The following CAMTA1 variants were observed in gnomAD, a reference collection of about 807,000 sequenced individuals.
CAMTA1 encodes calmodulin binding transcription activator 1, also known as calmodulin-binding transcription activator 1.
CAMTA1 carries 27 observed loss-of-function variants against 170.9 expected under a neutral mutation model. The observed-to-expected ratio is 0.16, with a 90% CI of 0.12 to 0.22. The LOEUF (loss-of-function observed/expected upper bound fraction) is 0.22. Among genes scored for constraint, CAMTA1 ranks in the 10% least tolerant of loss-of-function variants. The pLI is 1.00. For synonymous variants in CAMTA1, 833 were observed against 891.5 expected, an observed-to-expected ratio of 0.93 and a Z score of 1.17; for missense variants, 1,619 against 2,217.2, an observed-to-expected ratio of 0.73 and a Z score of 5.42.
chr1:7,304,505 T>C (rs1197123328), intron 5 of CAMTA1, among the ~76,000 whole-genome samples: 1 of 152,178 alleles, frequency 6.6e-6, no homozygotes, highest in African/African-American at 2.4e-5. Context: ...CAAATTGTCC[T>C]CCATAGATGG....
At chr1:7,724,716 G>A (rs1319064110) in intron 11 of CAMTA1, among the ~76,000 whole-genome samples, 5 of 151,838 alleles carry the variant, frequency 3.3e-5, no homozygotes, top group East Asian at 3.9e-4. Context: ...CCAGCTACTC[G>A]GGAGGCTGAG....
intron 11 of CAMTA1, among the ~76,000 whole-genome samples, chr1:7,723,108 A>G (rs1226675898): frequency 6.6e-6 from 1 of 152,198 alleles, no homozygotes; most frequent in Non-Finnish European, 1.5e-5. Context: ...ATGAACGCTC[A>G]GCACCCAGAT....
rs758876429 is a variant in CAMTA1, at chr1:7,532,080, C to T, written c.510+64179C>T. On this transcript the variant is annotated intron_variant, in intron 6 of 22. Transcript: ENST00000303635. This position sits in a 1 kb window ranked among gnomAD's most constrained non-coding sequence, Gnocchi z 4.2. ...GGCAGAGAGGAAGGGGCAGGGGCGG[C>T]GAATGAGTGACAGAAAAGGAGGCAG... Among the ~76,000 whole-genome samples, 3 of 152,154 alleles carry T rather than the reference C, an allele frequency of 2.0e-5. No individual in the cohort carries two copies. The highest frequency in any genetic ancestry group is 4.4e-5 in the Non-Finnish European group (3 of 68,030).
In CAMTA1 at chr1:7,467,616, G is replaced by A. The variant is rs116480177; in HGVS notation, c.439-214G>A. ...GAGGGTAAGGCCCCAGCTGCCCATC[G>A]AGTCTGCCGGCTGGTGTGTCCCCAC... On this transcript the variant is annotated intron_variant, in intron 5 of 22. Coordinates refer to ENST00000303635, the MANE Select transcript of CAMTA1 (RefSeq NM_015215.4). Among the ~76,000 whole-genome samples the A allele has an allele frequency of 7.9e-3, 1,199 of 152,220 alleles. 17 individuals carry two copies. Among genetic ancestry groups the A allele is most frequent in the African/African-American group, 0.028 (1,147 of 41,532 alleles).
intron 3 of CAMTA1, among the ~76,000 whole-genome samples, chr1:6,833,849 A>C (rs1651624432): frequency 6.6e-6 from 1 of 152,192 alleles, no homozygotes; most frequent in Non-Finnish European, 1.5e-5. Flanking sequence ...GCAAAGTTAA[A>C]AATTTTATAT....
chr1:7,390,765 T>G (rs2149128195), intron 5 of CAMTA1, among the ~76,000 whole-genome samples: 1 of 152,392 alleles, frequency 6.6e-6, no homozygotes, highest in South Asian at 2.1e-4. Context: ...CTTGCAGCCC[T>G]GGTGCCCTCA....
In CAMTA1 at chr1:6,953,405, G is replaced by A. The variant is rs564298060; in HGVS notation, c.234+128195G>A. ...GTTGGTCTTTGTTCTTTCTCGCCGCGTGAGTCCCCTGGTAGCCTTGGTGGG... is the reference window on the plus strand; with the variant it reads ...GTTGGTCTTTGTTCTTTCTCGCCGCATGAGTCCCCTGGTAGCCTTGGTGGG... On this transcript the variant is annotated intron_variant, in intron 3 of 22. Coordinates refer to ENST00000303635, the MANE Select transcript of CAMTA1 (RefSeq NM_015215.4). Among the ~76,000 whole-genome samples, 56 of 152,360 alleles carry A rather than the reference G, an allele frequency of 3.7e-4. No homozygotes were observed. The South Asian group carries it at 0.011, about 31-fold the overall frequency.
chr1:7,230,965 G>A (rs1662679742), intron 4 of CAMTA1, among the ~76,000 whole-genome samples: 1 of 152,108 alleles, frequency 6.6e-6, no homozygotes, highest in Admixed American at 6.5e-5. Flanking sequence ...AGTGTACAGA[G>A]GGACCCCCCA....
rs79598150 is a variant in CAMTA1, at chr1:7,189,411, C to T, written c.303-60080C>T. On this transcript the variant is annotated intron_variant, in intron 4 of 22. Coordinates refer to ENST00000303635, the MANE Select transcript of CAMTA1 (RefSeq NM_015215.4). Reference sequence around the variant, plus strand: ...TACACGTCTGAATATCCAGAAACTACAGTGAACTCAAACAAATTAGCAAGA... The same window carrying T: ...TACACGTCTGAATATCCAGAAACTATAGTGAACTCAAACAAATTAGCAAGA... Among the ~76,000 whole-genome samples, 604 of 152,270 alleles carry T rather than the reference C, an allele frequency of 4.0e-3. 12 individuals carry two copies. In the East Asian group the frequency reaches 0.056, roughly 14 times the overall value.
At chr1:7,514,132 C>T (rs1229839671) in intron 6 of CAMTA1, among the ~76,000 whole-genome samples, 1 of 152,200 alleles carries the variant, frequency 6.6e-6, no homozygotes, top group Non-Finnish European at 1.5e-5. Context: ...TGACAACATC[C>T]AAGGAAGAAG....
chr1:6,810,182 A>G (rs1644996273), intron 1 of CAMTA1, among the ~76,000 whole-genome samples: 1 of 152,172 alleles, frequency 6.6e-6, no homozygotes. Context: ...GGACTGCTGA[A>G]CTGTGGTCGA....
Position 7,733,126 on chromosome 1 carries a change from C to T in CAMTA1, c.3066+527C>T, listed in dbSNP as rs775843046. Among the ~76,000 whole-genome samples, 133 of 151,644 alleles carry T rather than the reference C, an allele frequency of 8.8e-4. 1 individual carries two copies. Among genetic ancestry groups the T allele is most frequent in the Non-Finnish European group, 2.4e-4 (16 of 67,892 alleles). On this transcript the variant is annotated intron_variant, in intron 12 of 22. Coordinates refer to ENST00000303635, the MANE Select transcript of CAMTA1 (RefSeq NM_015215.4). The stretch of plus-strand genomic sequence containing the variant: ...CTGAAGTGGGAGGATCACTTGAGCC[C>T]GGGAGGTTGAGGCTGCAGTGAGCCA...
intron 2 of CAMTA1, among the ~76,000 whole-genome samples, chr1:6,822,268 C>T (rs1423018504): frequency 6.6e-6 from 1 of 152,102 alleles, no homozygotes; most frequent in Non-Finnish European, 1.5e-5. Context: ...TATCCCAAAA[C>T]ATTAAAAAGC....
chr1:7,226,606 C>A (rs973452315), intron 4 of CAMTA1, among the ~76,000 whole-genome samples: 16 of 152,284 alleles, frequency 1.1e-4, no homozygotes, highest in African/African-American at 3.6e-4. Context: ...GAACTCAATG[C>A]TTCCGGACTT....
chr1:7,327,835 T>G (rs895081549), intron 5 of CAMTA1, among the ~76,000 whole-genome samples: 1 of 152,238 alleles, frequency 6.6e-6, no homozygotes, highest in Non-Finnish European at 1.5e-5. Context: ...TCTGGAGTCT[T>G]GTTGAAAGTG....
chr1:6,890,491 T>C (rs11590643), intron 3 of CAMTA1, among the ~76,000 whole-genome samples: 10,266 of 152,162 alleles, frequency 0.067, 484 homozygotes, highest in Non-Finnish European at 0.1. Context: ...GGTTAGTCTT[T>C]GATAGGCCTT....
Position 7,153,899 on chromosome 1 carries a change from C to G in CAMTA1, c.302+62528C>G, listed in dbSNP as rs141833140. Among the ~76,000 whole-genome samples, 1,403 of 152,286 alleles carry G rather than the reference C, an allele frequency of 9.2e-3. 11 individuals are homozygous for G. The highest frequency in any genetic ancestry group is 0.032 in the African/African-American group (1,318 of 41,550). ...GAGAAGGCTGCATGGTGACACCAAACAAAGACCAAAGGAACCAGGAGCCAC... is the reference window on the plus strand; with the variant it reads ...GAGAAGGCTGCATGGTGACACCAAAGAAAGACCAAAGGAACCAGGAGCCAC... On this transcript the variant is annotated intron_variant, in intron 4 of 22. Transcript: ENST00000303635.
rs2096189250 is a variant in CAMTA1 at position 7,680,842 on chromosome 1, A to ACGCGCACGCG, written c.2914+3114_2914+3115insACGCGCGCGC. On this transcript the variant is annotated intron_variant, in intron 11 of 22. Coordinates refer to ENST00000303635, the MANE Select transcript of CAMTA1 (RefSeq NM_015215.4). The surrounding 1 kb of genome is among the most constrained non-coding windows in gnomAD (Gnocchi z 4.4). ...GGCGTGGGTCCGGGGCGCAGAGAAC[A>ACGCGCACGCG]CGCGCGCGCGCGCGCGCGCCAGCAG... Among the ~76,000 whole-genome samples, 1 of 141,056 alleles carries ACGCGCACGCG rather than the reference A, an allele frequency of 7.1e-6. No individual in the cohort carries two copies. Among genetic ancestry groups the ACGCGCACGCG allele is most frequent in the Admixed American group, 7.0e-5 (1 of 14,346 alleles). The allele number at this position is 141,056 out of a possible 152,430, so 92.5% of individuals were successfully genotyped here.
At chr1:7,409,943 G>T (rs34400294) in intron 5 of CAMTA1, among the ~76,000 whole-genome samples, 22,887 of 151,900 alleles carry the variant, frequency 0.15, 2,671 homozygotes, top group East Asian at 0.5. Context: ...AGAACAGGAG[G>T]TCAGGAGAGT....
Sources: allele counts gnomAD v4.1 joint callset (sites outside exome capture counted in the v4.1 genomes callset), GRCh38; gene constraint gnomAD v4.1.1; non-coding constraint Gnocchi (gnomAD v3.1); transcripts MANE v1.5; gene names NCBI Gene and HGNC (gene_info 2026-07-23, HGNC 2026-07-21).